RHBDD1: variants seen among roughly 807,000 people sequenced by gnomAD.
RHBDD1 encodes the protein rhomboid domain containing 1.
In RHBDD1, 38 loss-of-function variants were observed where a neutral mutation model predicts 36.3. The observed-to-expected ratio is 1.05, with a 90% CI of 0.81 to 1.37. RHBDD1 has a LOEUF of 1.37. Among genes scored for constraint, RHBDD1 ranks in the 40% most tolerant of loss-of-function variants. The probability of loss-of-function intolerance (pLI) is 0.00; values close to 1 mark genes in which losing one functional copy is unlikely to be tolerated. For missense variants in RHBDD1, 393 were observed against 377.6 expected (o/e 1.04, Z -0.34); for synonymous variants, 151 against 136.5 (o/e 1.11, Z -0.74).
chr2:226,881,407 A>T (rs1481019632), intron 5 of RHBDD1, among the ~76,000 whole-genome samples: 1 of 152,236 alleles, frequency 6.6e-6, no homozygotes, highest in Non-Finnish European at 1.5e-5. Flanking sequence ...AACATGCTAT[A>T]AGCTCAGATA....
chr2:226,806,572 T>C, the RHBDD1 span, among the ~76,000 whole-genome samples: 1 of 152,252 alleles, frequency 6.6e-6, no homozygotes, highest in Non-Finnish European at 1.5e-5. Context: ...GCAGTGACTT[T>C]AAAACTTTTG....
chr2:226,912,336 G>C (rs1293844077), intron 7 of RHBDD1, among the ~76,000 whole-genome samples: 1 of 152,138 alleles, frequency 6.6e-6, no homozygotes, highest in Non-Finnish European at 1.5e-5. Context: ...ATGTGACGCA[G>C]CAGTTCCACT....
intron 8 of RHBDD1, among the ~76,000 whole-genome samples, chr2:226,952,837 A>ACTAGT (rs1036384428): frequency 6.6e-6 from 1 of 152,082 alleles, no homozygotes; most frequent in Non-Finnish European, 1.5e-5. Flanking sequence ...GGTGGAGGGA[A>ACTAGT]CTAGTAAGGC....
intron 5 of RHBDD1, among the ~76,000 whole-genome samples, chr2:226,905,767 G>A (rs1948004119): frequency 6.6e-6 from 1 of 152,156 alleles, no homozygotes; most frequent in Non-Finnish European, 1.5e-5. Flanking sequence ...TAGTCCAGAT[G>A]GCAGTAAGCA....
At chr2:226,984,790 ACCC>A (rs1956557040) in intron 8 of RHBDD1, among the ~76,000 whole-genome samples, 1 of 152,054 alleles carries the variant, frequency 6.6e-6, no homozygotes, top group African/African-American at 2.4e-5. Context: ...GGCCAGAGAA[ACCC>A]CCAAGTCAAA....
intron 8 of RHBDD1, among the ~76,000 whole-genome samples, chr2:226,939,462 G>A (rs1325923938): frequency 6.6e-6 from 1 of 152,128 alleles, no homozygotes; most frequent in African/African-American, 2.4e-5. Context: ...CAAATTGCTA[G>A]CATTCCTATA....
At chr2:226,944,270 A>G (rs1026403372) in intron 8 of RHBDD1, among the ~76,000 whole-genome samples, 1 of 152,186 alleles carries the variant, frequency 6.6e-6, no homozygotes, top group African/African-American at 2.4e-5. Context: ...ACTCTATTGT[A>G]GATAGGATTT....
intron 8 of RHBDD1, among the ~76,000 whole-genome samples, chr2:226,966,324 TCTGC>T (rs1264230326): frequency 6.6e-6 from 1 of 152,182 alleles, no homozygotes; most frequent in Non-Finnish European, 1.5e-5. Context: ...ATCAGTTTTC[TCTGC>T]CTATGGTACC....
chr2:226,888,088 A>G (rs892532218), intron 5 of RHBDD1, among the ~76,000 whole-genome samples: 9 of 152,206 alleles, frequency 5.9e-5, no homozygotes, highest in African/African-American at 1.9e-4. Flanking sequence ...AGGACATGTT[A>G]GACATGGAAG....
intron 5 of RHBDD1, among the ~76,000 whole-genome samples, chr2:226,877,013 G>A (rs1945291798): frequency 6.6e-6 from 1 of 152,156 alleles, no homozygotes; most frequent in East Asian, 1.9e-4. Context: ...ATATCATTTT[G>A]ATTGAAGGTC....
chr2:226,849,508 C>T (rs981740413), intron 3 of RHBDD1, among the ~76,000 whole-genome samples: 5 of 152,224 alleles, frequency 3.3e-5, no homozygotes, highest in African/African-American at 4.8e-5. Flanking sequence ...GTGATGGTAG[C>T]ATTGCCCTCA....
At chr2:226,875,093 T>G (rs1945112989) in intron 5 of RHBDD1, among the ~76,000 whole-genome samples, 1 of 152,210 alleles carries the variant, frequency 6.6e-6, no homozygotes, top group South Asian at 2.1e-4. Context: ...TGTTTTTCAC[T>G]TTCTTTCTAG....
In RHBDD1 at chr2:226,913,170, T is replaced by G. The variant is rs530988437; in HGVS notation, c.713-1038T>G. ...TGGATTGTGTTTTTTTTCTGTAGCC[T>G]TATTAAAGCTCCAACTCAGGCCTGT... is the stretch of plus-strand genomic sequence containing the variant. On this transcript the variant is annotated intron_variant, in intron 7 of 8. Transcript: ENST00000392062. 8.5e-5 allele frequency among the ~76,000 whole-genome samples: 13 copies of G among 152,282 alleles called. No homozygotes were observed. The South Asian group carries it at 2.5e-3, about 29-fold the overall frequency.
intron 8 of RHBDD1, among the ~76,000 whole-genome samples, chr2:226,949,866 CCT>C (rs1302168389): frequency 6.6e-6 from 1 of 152,016 alleles, no homozygotes; most frequent in Non-Finnish European, 1.5e-5. Context: ...TCCAAATTTC[CCT>C]CTCTTATAAG....
chr2:226,971,909 C>CT (rs11305868), intron 8 of RHBDD1, among the ~76,000 whole-genome samples: 134 of 146,380 alleles, frequency 9.2e-4, no homozygotes, highest in Admixed American at 1.2e-3. Flanking sequence ...CAAAAGCCCA[C>CT]TTTTTTTTTT....
At chr2:226,938,772 C>T (rs1950501641) in intron 8 of RHBDD1, among the ~76,000 whole-genome samples, 1 of 152,078 alleles carries the variant, frequency 6.6e-6, no homozygotes, top group Non-Finnish European at 1.5e-5. Context: ...CTTGCTAACT[C>T]ATTCTATGAG....
chr2:226,978,354 G>A (rs1657632525), intron 8 of RHBDD1, among the ~76,000 whole-genome samples: 1 of 152,214 alleles, frequency 6.6e-6, no homozygotes, highest in South Asian at 2.1e-4. Context: ...ACTAGTTGGA[G>A]TAGAGAAAGG....
chr2:226,830,037 A>G, the RHBDD1 span, among the ~76,000 whole-genome samples: 46 of 151,230 alleles, frequency 3.0e-4, no homozygotes, highest in African/African-American at 1.1e-3. Flanking sequence ...TTCCATTCCT[A>G]CTTCCCGGAG....
intron 8 of RHBDD1, among the ~76,000 whole-genome samples, chr2:226,941,162 G>A (rs1309225836): frequency 6.6e-6 from 1 of 152,060 alleles, no homozygotes; most frequent in African/African-American, 2.4e-5. Context: ...TAGAGATGGG[G>A]TTTCTGTTGG....
Sources: gnomAD v4.1 joint callset for allele counts (sites outside exome capture counted in the v4.1 genomes callset) on GRCh38, gnomAD v4.1.1 for gene constraint, MANE v1.5 for transcripts, NCBI Gene and HGNC (gene_info 2026-07-23, HGNC 2026-07-21) for gene names.